CHD3: variants seen among roughly 807,000 people sequenced by gnomAD.
CHD3 encodes ATP-dependent chromatin remodeler CHD3.
CHD3 carries 52 observed loss-of-function variants against 248.9 expected under a neutral mutation model. That is an observed-to-expected ratio of 0.21 (90% CI 0.17 to 0.26). The LOEUF is 0.26. Among genes scored for constraint, CHD3 ranks in the 10% least tolerant of loss-of-function variants. The probability of loss-of-function intolerance (pLI) is 1.00; values close to 1 mark genes in which losing one functional copy is unlikely to be tolerated. For synonymous variants in CHD3, 985 were observed against 985.2 expected, an observed-to-expected ratio of 1.00 and a Z score of 0.00; for missense variants, 1,482 against 2,605.8, an observed-to-expected ratio of 0.57 and a Z score of 9.39.
Position 7,894,265 on chromosome 17 carries a change from G to A in CHD3, c.1075G>A (p.Val359Ile), listed in dbSNP as rs751641156. Residue 359 changes from valine (V) to isoleucine (I), a missense_variant and splice_region_variant, in exon 7 of 40, where the codon GTC (valine) becomes ATC (isoleucine). By Grantham distance (29) the Val-to-Ile change is conservative. Coordinates refer to ENST00000330494, the MANE Select transcript of CHD3 (RefSeq NM_001005273.3). ...RGRPGRKKKK[V>I]LGCPAVAGEE... ...CCGGCCAGGAAGGAAGAAGAAGAAG[G>A]GTAAGGAGTGTTGACTGTGTGTGAT... is the stretch of plus-strand genomic sequence containing the variant. The A allele has an allele frequency of 6.2e-6, 10 of 1,613,336 alleles. No individual in the cohort carries two copies. Among genetic ancestry groups the A allele is most frequent in the African/African-American group, 2.7e-5 (2 of 74,962 alleles).
intron 20 of CHD3, among the ~76,000 whole-genome samples, chr17:7,901,757 C>A (rs757490956): frequency 6.6e-6 from 1 of 151,942 alleles, no homozygotes; most frequent in Admixed American, 6.6e-5. Context: ...GTGATCTGCC[C>A]GCCTCGGTCT....
In CHD3 at chr17:7,908,610, T is replaced by C. The variant is rs1482452432; in HGVS notation, c.5262-87T>C. ...CAGGGACAGGGCTAGTGCCACACTT[T>C]GGGGAGTCAAGCCAAAAGGAAGAAG... On this transcript the variant is annotated intron_variant, in intron 35 of 39. Coordinates refer to ENST00000330494, the MANE Select transcript of CHD3 (RefSeq NM_001005273.3). This position sits in a 1 kb window ranked among gnomAD's most constrained non-coding sequence, Gnocchi z 5.8. 1.3e-6 allele frequency: 2 copies of C among 1,593,770 alleles called. No individual in the cohort carries two copies. The highest frequency in any genetic ancestry group is 2.2e-5 in the East Asian group (1 of 44,658).
Position 7,909,372 on chromosome 17 carries a change from C to A in CHD3, c.5590+34C>A. On this transcript the variant is annotated intron_variant, in intron 37 of 39. Coordinates refer to ENST00000330494, the MANE Select transcript of CHD3 (RefSeq NM_001005273.3). This position sits in a 1 kb window ranked among gnomAD's most constrained non-coding sequence, Gnocchi z 8.1. ...CGCGGCGGCCCCGCGCGGGGGAGGG[C>A]CCACAACGCTGCGTAAGTCTTCACC... 2 of 1,513,020 alleles carry A rather than the reference C, an allele frequency of 1.3e-6. No homozygotes were observed. 93.7% of individuals were successfully genotyped at this position (1,513,020 alleles called of 1,614,324 possible). A position where few individuals can be genotyped will look rare whatever the true frequency, so the allele number is the denominator to read the frequency against.
rs368103933 is a variant in CHD3, at chr17:7,906,909, C to T, written c.4544C>T (p.Pro1515Leu). The change falls in exon 30 of 40, where the codon CCG becomes CTG. Residue 1515 changes from proline to leucine, a missense_variant. This residue lies in a region of CHD3 where 254 missense variants were observed against 266.7 expected (regional missense o/e 0.95). Coordinates refer to ENST00000330494, the MANE Select transcript of CHD3 (RefSeq NM_001005273.3). The surrounding 1 kb of genome is among the most constrained non-coding windows in gnomAD (Gnocchi z 5.0). ...FEHINGRWSM[P>L]ELMPDPSADS... ...CACATCAATGGGCGTTGGTCAATGCCGGAACTGATGCCTGACCCCAGCGCC... is the reference window on the plus strand; with the variant it reads ...CACATCAATGGGCGTTGGTCAATGCTGGAACTGATGCCTGACCCCAGCGCC... 5.5e-5 allele frequency: 88 copies of T among 1,614,108 alleles called. No individual in the cohort carries two copies. Among genetic ancestry groups the T allele is most frequent in the Non-Finnish European group, 6.6e-5 (78 of 1,180,016 alleles).
chr17:7,898,485 T>G lies in CHD3; in HGVS notation c.2052-11T>G. On this transcript the variant is annotated splice_polypyrimidine_tract_variant and intron_variant, in intron 12 of 39. Coordinates refer to ENST00000330494, the MANE Select transcript of CHD3 (RefSeq NM_001005273.3). Reference sequence around the variant, plus strand: ...AGGATGAGGCCTCATTCAGACCCACTCTTTTTCCAGAGAACTAATTATGGG... The same window carrying G: ...AGGATGAGGCCTCATTCAGACCCACGCTTTTTCCAGAGAACTAATTATGGG... 1.2e-6 allele frequency: 2 copies of G among 1,607,238 alleles called. No individual in the cohort carries two copies. Among genetic ancestry groups the G allele is most frequent in the Non-Finnish European group, 1.7e-6 (2 of 1,174,482 alleles).
Position 7,901,079 on chromosome 17 carries a change from CAG to C in CHD3, c.3120+87_3120+88del, listed in dbSNP as rs1970244027. ...TAGTGGGGAGGTGGGTATTGAGCCA[CAG>C]GGGTGGAGCTGGGCTGGAAGGCCAC... On this transcript the variant is annotated intron_variant, in intron 19 of 39. Transcript: ENST00000330494. 4.5e-6 allele frequency: 7 copies of C among 1,544,656 alleles called. No homozygotes were observed. In the African/African-American group the frequency reaches 5.5e-5, roughly 12 times the overall value.
At position 7,899,351 on chromosome 17, in the gene CHD3, A is replaced by G. The variant is rs1970049135; in HGVS notation, c.2352A>G (p.Thr784=). 1 of 1,613,962 alleles carries G rather than the reference A, an allele frequency of 6.2e-7. No individual in the cohort carries two copies. The highest frequency in any genetic ancestry group is 1.3e-5 in the African/African-American group (1 of 74,878). The part of the protein sequence containing the change: ...FLYSLYKEGH[T]KGPFLVSAPL... Reference sequence around the variant, plus strand: ...CCATTCTTGACTCCCAGGGCCACACAAAAGGTCCCTTCCTGGTGAGTGCCC... The same window carrying G: ...CCATTCTTGACTCCCAGGGCCACACGAAAGGTCCCTTCCTGGTGAGTGCCC... The change falls in exon 15 of 40, where the codon ACA becomes ACG. Residue 784 remains threonine (T), a synonymous_variant. Transcript: ENST00000330494. This position sits in a 1 kb window ranked among gnomAD's most constrained non-coding sequence, Gnocchi z 6.8.
intron 4 of CHD3, among the ~76,000 whole-genome samples, chr17:7,891,535 C>G (rs762275696): frequency 1.8e-4 from 28 of 152,218 alleles, no homozygotes; most frequent in Non-Finnish European, 3.8e-4. Context: ...TCAGTGGCTC[C>G]TGAAGAAAAG....
Position 7,900,669 on chromosome 17 carries a change from C to T in CHD3, c.2916C>T (p.Val972=). Residue 972 remains valine, a synonymous_variant, in exon 18 of 40, where the codon GTC becomes GTT. Coordinates refer to ENST00000330494, the MANE Select transcript of CHD3 (RefSeq NM_001005273.3). This position sits in a 1 kb window ranked among gnomAD's most constrained non-coding sequence, Gnocchi z 6.5. ...TGCTGCGGAGACTCAAGGCAGATGTCTTTAAGAACATGCCAGCCAAGACAG... is the reference window on the plus strand; with the variant it reads ...TGCTGCGGAGACTCAAGGCAGATGTTTTTAAGAACATGCCAGCCAAGACAG... The part of the protein sequence containing the change: ...PHMLRRLKAD[V]FKNMPAKTEL... 6.2e-7 allele frequency: 1 copy of T among 1,614,068 alleles called. No individual in the cohort carries two copies. The highest frequency in any genetic ancestry group is 8.5e-7 in the Non-Finnish European group (1 of 1,180,026).
chr17:7,901,240 T>A lies in CHD3; in HGVS notation c.3121-4T>A. On this transcript the variant is annotated splice_polypyrimidine_tract_variant and splice_region_variant and intron_variant, in intron 19 of 39. Coordinates refer to ENST00000330494, the MANE Select transcript of CHD3 (RefSeq NM_001005273.3). ...CCTCCTCCTCCTCTCTCCTCCCTTT[T>A]CAGGAGTCCCCCAAACTCCCCAGTG... is the stretch of plus-strand genomic sequence containing the variant. 3.8e-6 allele frequency: 6 copies of A among 1,596,326 alleles called. No homozygotes were observed. The highest frequency in any genetic ancestry group is 1.1e-5 in the South Asian group (1 of 89,822).
rs1406862499 is a variant in CHD3, at chr17:7,894,988, G to A, written c.1341G>A (p.Gly447=). 1 of 1,614,018 alleles carries A rather than the reference G, an allele frequency of 6.2e-7. No homozygotes were observed. The highest frequency in any genetic ancestry group is 8.5e-7 in the Non-Finnish European group (1 of 1,179,944). The change falls in exon 9 of 40, where the codon GGG becomes GGA. Residue 447 remains glycine (G), a synonymous_variant. Coordinates refer to ENST00000330494, the MANE Select transcript of CHD3 (RefSeq NM_001005273.3). ...ACGAAGAGGAGGGAGAGGAAGAAGG[G>A]GAGAAGGAGGAGGAGGATGATCACA... The part of the protein sequence containing the change: ...EEYEEEGEEE[G]EKEEEDDHME...
Position 7,893,813 on chromosome 17 carries a change from C to A in CHD3, c.802C>A (p.His268Asn), listed in dbSNP as rs757000641. 6.2e-7 allele frequency: 1 copy of A among 1,614,052 alleles called. No homozygotes were observed. The highest frequency in any genetic ancestry group is 8.5e-7 in the Non-Finnish European group (1 of 1,180,010). The change falls in exon 6 of 40, where the codon CAT becomes AAT. Residue 268 changes from histidine (H) to asparagine (N), a missense_variant. Coordinates refer to ENST00000330494, the MANE Select transcript of CHD3 (RefSeq NM_001005273.3). ...CCCGACTCCTCATTCAGGTCCAGGCCATAAGAGGCGGAGTAAGAGCCCCCG... is the reference window on the plus strand; with the variant it reads ...CCCGACTCCTCATTCAGGTCCAGGCAATAAGAGGCGGAGTAAGAGCCCCCG... ...AKTKEGKGPG[H>N]KRRSKSPRVP...
rs1969949818 is a variant in CHD3, at chr17:7,898,492, C to G, written c.2052-4C>G. ...GGCCTCATTCAGACCCACTCTTTTT[C>G]CAGAGAACTAATTATGGGGGAAGAC... is the stretch of plus-strand genomic sequence containing the variant. On this transcript the variant is annotated splice_polypyrimidine_tract_variant and splice_region_variant and intron_variant, in intron 12 of 39. Transcript: ENST00000330494. 4.3e-6 allele frequency: 7 copies of G among 1,609,788 alleles called. No individual in the cohort carries two copies. Among genetic ancestry groups the G allele is most frequent in the Non-Finnish European group, 5.9e-6 (7 of 1,177,406 alleles).
At position 7,905,463 on chromosome 17, in the gene CHD3, G is replaced by A. The variant is rs1970814763; in HGVS notation, c.4139-158G>A. Among the ~76,000 whole-genome samples, 2 of 152,152 alleles carry A rather than the reference G, an allele frequency of 1.3e-5. No individual in the cohort carries two copies. Among genetic ancestry groups the A allele is most frequent in the South Asian group, 4.1e-4 (2 of 4,832 alleles). On this transcript the variant is annotated intron_variant, in intron 26 of 39. Transcript: ENST00000330494. This position sits in a 1 kb window ranked among gnomAD's most constrained non-coding sequence, Gnocchi z 5.8. The stretch of plus-strand genomic sequence containing the variant: ...TATGACTGGTTCTTTTAGACTTAGT[G>A]GGTTAGTAGTTCTGAAGTGCTTGGG...
chr17:7,886,153 C>CTGCCCACCCAGCTGT (rs1967910466), upstream of CHD3, among the ~76,000 whole-genome samples: 1 of 152,228 alleles, frequency 6.6e-6, no homozygotes, highest in Non-Finnish European at 1.5e-5. This position sits in a 1 kb window ranked among gnomAD's most constrained non-coding sequence, Gnocchi z 4.2. Flanking sequence ...GGGGCGTGAA[C>CTGCCCACCCAGCTGT]TGCCCACCCA....
chr17:7,898,221 C>A, intron 12 of CHD3, 119 bp downstream of exon 12: 1 of 1,218,142 alleles, frequency 8.2e-7, no homozygotes, highest in Non-Finnish European at 1.2e-6. Flanking sequence ...AGGGCAATGG[C>A]CACCTGAGCT....
chr17:7,905,055 T>C lies in CHD3; in HGVS notation c.4073-45T>C, dbSNP rs368825536. On this transcript the variant is annotated intron_variant, in intron 25 of 39. Transcript: ENST00000330494. The surrounding 1 kb of genome is among the most constrained non-coding windows in gnomAD (Gnocchi z 5.8). The stretch of plus-strand genomic sequence containing the variant: ...CAGAAAGGGCCTCAGCATGGGCATA[T>C]CCCGAGAGCCCTCCCTGACCACTGG... The C allele has an allele frequency of 7.0e-6, 11 of 1,569,142 alleles. No homozygotes were observed. Among genetic ancestry groups the C allele is most frequent in the Non-Finnish European group, 8.8e-6 (10 of 1,139,200 alleles).
In CHD3 at chr17:7,903,072, G is replaced by A. The variant is rs778101474; in HGVS notation, c.3495+11G>A. 5.6e-6 allele frequency: 9 copies of A among 1,611,702 alleles called. No individual in the cohort carries two copies. Among genetic ancestry groups the A allele is most frequent in the African/African-American group, 1.3e-5 (1 of 74,960 alleles). ...CATAATGACATCCAGGTGGGAACTC[G>A]CATCCTAGAACCCCTGCACCATTTA... On this transcript the variant is annotated intron_variant, in intron 22 of 39. Transcript: ENST00000330494. This position sits in a 1 kb window ranked among gnomAD's most constrained non-coding sequence, Gnocchi z 6.8.
At position 7,906,592 on chromosome 17, in the gene CHD3, T is replaced by C. The variant is rs1281146948; in HGVS notation, c.4398T>C (p.Pro1466=). The part of the protein sequence containing the change: ...VSLFMRHLCE[P]GADGSETFAD... ...TGTTCATGCGCCATCTGTGTGAGCC[T>C]GGGGCAGACGGCTCTGAAACCTTTG... The change falls in exon 29 of 40, where the codon CCT becomes CCC. Residue 1466 remains proline, a synonymous_variant. Coordinates refer to ENST00000330494, the MANE Select transcript of CHD3 (RefSeq NM_001005273.3). This position sits in a 1 kb window ranked among gnomAD's most constrained non-coding sequence, Gnocchi z 5.0. The C allele has an allele frequency of 1.5e-5, 25 of 1,613,844 alleles. No individual in the cohort carries two copies. Among genetic ancestry groups the C allele is most frequent in the Non-Finnish European group, 2.0e-5 (24 of 1,179,946 alleles).
Sources: allele counts gnomAD v4.1 joint callset (sites outside exome capture counted in the v4.1 genomes callset), GRCh38; gene constraint gnomAD v4.1.1; regional missense constraint gnomAD v4.1.1; non-coding constraint Gnocchi (gnomAD v3.1); transcripts MANE v1.5; gene names NCBI Gene and HGNC (gene_info 2026-07-23, HGNC 2026-07-21).